Variants in PCDHGB4 observed in about 807,000 individuals in gnomAD.
PCDHGB4 encodes protocadherin gamma subfamily B, 4, also known as protocadherin gamma-B4.
Under a neutral mutation model 60.5 loss-of-function variants are expected in PCDHGB4, and 38 were observed. The ratio of observed to expected loss-of-function variants is 0.63; its 90% CI spans 0.48 to 0.82. The LOEUF (loss-of-function observed/expected upper bound fraction) is 0.82. Ranked by LOEUF, PCDHGB4 falls within the 40% of genes least tolerant of loss-of-function variation. PCDHGB4 has a pLI of 0.00. For missense variants in PCDHGB4, 1,109 were observed against 1,209.6 expected, an observed-to-expected ratio of 0.92 and a Z score of 1.23; for synonymous variants, 456 against 509.7, an observed-to-expected ratio of 0.89 and a Z score of 1.42.
At chr5:141,425,047 A>G (rs1590618154) in intron 1 of PCDHGB4, among the ~76,000 whole-genome samples, 1 of 152,198 alleles carries the variant, frequency 6.6e-6, no homozygotes, top group Non-Finnish European at 1.5e-5. Context: ...TAAACTGACT[A>G]TCTAGGGCTC....
chr5:141,414,429 G>A (rs1372056104), intron 1 of PCDHGB4: 1 of 1,613,860 alleles, frequency 6.2e-7, no homozygotes, highest in Non-Finnish European at 8.5e-7. Flanking sequence ...ACAGGGAACA[G>A]GTATCCTCTT....
rs569362520 is a variant in PCDHGB4 at position 141,415,063 on chromosome 5, G to T, written c.2397+24782G>T. ...CGCGGTGGGGGAGCACACGGGCGAG[G>T]TGCGCACGGCGCGAGCCCTGCTGGA... On this transcript the variant is annotated intron_variant, in intron 1 of 3. Coordinates refer to ENST00000519479, the MANE Select transcript of PCDHGB4 (RefSeq NM_003736.4). The T allele has an allele frequency of 3.1e-6, 5 of 1,613,432 alleles. No individual in the cohort carries two copies. The highest frequency in any genetic ancestry group is 3.3e-5 in the Admixed American group (2 of 60,008).
rs1236959966 is a variant in PCDHGB4, at chr5:141,511,984, G to C, written c.*811G>C. On this transcript the variant is annotated 3_prime_UTR_variant, in exon 4 of 4. Transcript: ENST00000519479. ...GGGAAGTGTGTGGATGTGGATGGTGGGGGCATGGACAAAGCTTGACACATC... is the reference window on the plus strand; with the variant it reads ...GGGAAGTGTGTGGATGTGGATGGTGCGGGCATGGACAAAGCTTGACACATC... 1 of 153,294 alleles carries C rather than the reference G, an allele frequency of 6.5e-6. No individual in the cohort carries two copies. Among genetic ancestry groups the C allele is most frequent in the African/African-American group, 2.4e-5 (1 of 41,452 alleles). 9.5% of individuals were successfully genotyped at this position (153,294 alleles called of 1,614,324 possible). A position where few individuals can be genotyped will look rare whatever the true frequency, so the allele number is the denominator to read the frequency against.
At chr5:141,455,438 C>G (rs1350941007) in intron 1 of PCDHGB4, among the ~76,000 whole-genome samples, 1 of 152,082 alleles carries the variant, frequency 6.6e-6, no homozygotes, top group Non-Finnish European at 1.5e-5. Context: ...GAGGAGGTCC[C>G]CATCTACCGC....
At chr5:141,397,324 T>C (rs2093508718) in intron 1 of PCDHGB4, among the ~76,000 whole-genome samples, 1 of 152,148 alleles carries the variant, frequency 6.6e-6, no homozygotes, top group African/African-American at 2.4e-5. Flanking sequence ...TAAAGAAAAA[T>C]TATTTTTATA....
At chr5:141,471,860 A>G (rs1470502617) in intron 1 of PCDHGB4, among the ~76,000 whole-genome samples, 1 of 152,202 alleles carries the variant, frequency 6.6e-6, no homozygotes, top group Non-Finnish European at 1.5e-5. Flanking sequence ...AAAAAGCAAA[A>G]CTGTGGTTGC....
At chr5:141,472,778 G>T (rs1244170163) in intron 1 of PCDHGB4, among the ~76,000 whole-genome samples, 1 of 151,878 alleles carries the variant, frequency 6.6e-6, no homozygotes, top group Non-Finnish European at 1.5e-5. Flanking sequence ...CTGAGGTTGG[G>T]AGTTCAAGAT....
chr5:141,494,528 G>A lies in PCDHGB4; in HGVS notation c.2398-279G>A, dbSNP rs189993899. On this transcript the variant is annotated intron_variant, in intron 1 of 3. Coordinates refer to ENST00000519479, the MANE Select transcript of PCDHGB4 (RefSeq NM_003736.4). ...ATTTTGGCTCAGGAGTTCTGACTCTGGGGGCAGGGAGGAAGGGGCCATTTC... is the reference window on the plus strand; with the variant it reads ...ATTTTGGCTCAGGAGTTCTGACTCTAGGGGCAGGGAGGAAGGGGCCATTTC... 3.0e-4 allele frequency among the ~76,000 whole-genome samples: 45 copies of A among 152,274 alleles called. 1 individual carries two copies. Among genetic ancestry groups the A allele is most frequent in the African/African-American group, 1.0e-3 (42 of 41,542 alleles).
chr5:141,461,480 G>A (rs1478939044), intron 1 of PCDHGB4, among the ~76,000 whole-genome samples: 1 of 151,970 alleles, frequency 6.6e-6, no homozygotes, highest in Non-Finnish European at 1.5e-5. Context: ...ACTTTTTAAT[G>A]GGATTGTGTT....
At chr5:141,461,281 C>T (rs1305044383) in intron 1 of PCDHGB4, among the ~76,000 whole-genome samples, 1 of 152,050 alleles carries the variant, frequency 6.6e-6, no homozygotes, top group Non-Finnish European at 1.5e-5. Flanking sequence ...CTCTTTTCCC[C>T]ACATCCACAC....
intron 1 of PCDHGB4, chr5:141,419,829 C>G (rs748734266): frequency 6.2e-7 from 1 of 1,614,072 alleles, no homozygotes; most frequent in Admixed American, 1.7e-5. Flanking sequence ...CTTTCAGCCA[C>G]TGCCACGCTG....
rs1174072440 is a variant in PCDHGB4, at chr5:141,438,581, TACATACATAC to T, written c.2397+48302_2397+48311del. Among the ~76,000 whole-genome samples, 141 of 49,790 alleles carry T rather than the reference TACATACATAC, an allele frequency of 2.8e-3. 1 individual carries two copies. Among genetic ancestry groups the T allele is most frequent in the African/African-American group, 0.014 (97 of 6,866 alleles). 32.7% of individuals were successfully genotyped at this position (49,790 alleles called of 152,430 possible). A position where few individuals can be genotyped will look rare whatever the true frequency, so the allele number is the denominator to read the frequency against. On this transcript the variant is annotated intron_variant, in intron 1 of 3. Coordinates refer to ENST00000519479, the MANE Select transcript of PCDHGB4 (RefSeq NM_003736.4). ...GAGGCAGCTGTCTGATATACATACA[TACATACATAC>T]ATATATATATATATATATATATATA...
At chr5:141,393,889 A>T (rs771844364) in intron 1 of PCDHGB4, 3 of 1,613,998 alleles carry the variant, frequency 1.9e-6, no homozygotes, top group Admixed American at 3.3e-5. Flanking sequence ...GTGTTAGAAA[A>T]TTCTCTTCCC....
rs377060474 is a variant in PCDHGB4, at chr5:141,487,810, C to A, written c.2398-6997C>A. The A allele has an allele frequency of 7.4e-4, 1,055 of 1,417,844 alleles. 13 individuals carry two copies. In the South Asian group the frequency reaches 0.013, roughly 17 times the overall value. The allele number at this position is 1,417,844 out of a possible 1,614,324, so 87.8% of individuals were successfully genotyped here. A position where few individuals can be genotyped will look rare whatever the true frequency, so the allele number is the denominator to read the frequency against. ...ATTAACCAGAGTTGTCACAGTTTAG[C>A]ATTGGGGGCGGGTCATGCCTATATC... On this transcript the variant is annotated intron_variant, in intron 1 of 3. Transcript: ENST00000519479. The surrounding 1 kb of genome is among the most constrained non-coding windows in gnomAD (Gnocchi z 5.0).
intron 1 of PCDHGB4, chr5:141,417,670 A>T: frequency 1.1e-6 from 1 of 929,118 alleles, no homozygotes; most frequent in Admixed American, 3.2e-5. Context: ...TTCCCTGCGC[A>T]GCCAACAACA....
intron 1 of PCDHGB4, among the ~76,000 whole-genome samples, chr5:141,437,450 G>A (rs2097885331): frequency 6.6e-6 from 1 of 152,148 alleles, no homozygotes; most frequent in Non-Finnish European, 1.5e-5. Context: ...GAATGTTGAG[G>A]AGACTATACT....
intron 1 of PCDHGB4, chr5:141,405,129 G>A (rs755961534): frequency 9.9e-6 from 16 of 1,613,846 alleles, no homozygotes; most frequent in Middle Eastern, 3.3e-4. Context: ...CATCTGCTGC[G>A]GGCTACCAGT....
chr5:141,428,858 GACT>G (rs1348026268), intron 1 of PCDHGB4: 1 of 139,194 alleles, frequency 7.2e-6, no homozygotes, highest in African/African-American at 3.0e-5. Flanking sequence ...TTTTACGGGA[GACT>G]TTTTTTTTTT....
Position 141,485,943 on chromosome 5 carries a change from C to A in PCDHGB4, c.2398-8864C>A, listed in dbSNP as rs750871245. The A allele has an allele frequency of 1.9e-6, 3 of 1,614,126 alleles. No individual in the cohort carries two copies. Among genetic ancestry groups the A allele is most frequent in the Non-Finnish European group, 1.7e-6 (2 of 1,180,012 alleles). ...ATTAGTGTGTTGGAGAGCGCACCAG[C>A]GGGCATGGTGCTCATCCAGCTCAAT... is the stretch of plus-strand genomic sequence containing the variant. On this transcript the variant is annotated intron_variant, in intron 1 of 3. Coordinates refer to ENST00000519479, the MANE Select transcript of PCDHGB4 (RefSeq NM_003736.4). The surrounding 1 kb of genome is among the most constrained non-coding windows in gnomAD (Gnocchi z 5.7).
Sources: allele counts gnomAD v4.1 joint callset (sites outside exome capture counted in the v4.1 genomes callset), GRCh38; gene constraint gnomAD v4.1.1; non-coding constraint Gnocchi (gnomAD v3.1); transcripts MANE v1.5; gene names NCBI Gene and HGNC (gene_info 2026-07-23, HGNC 2026-07-21).